ADCY9: variants seen among roughly 807,000 people sequenced by gnomAD.
ADCY9 encodes the protein adenylate cyclase 9, also known as adenylate cyclase type 9.
Under a neutral mutation model 101.5 loss-of-function variants are expected in ADCY9, and 50 were observed. That is an observed-to-expected ratio of 0.49 (90% CI 0.39 to 0.62). ADCY9 has a LOEUF of 0.62. ADCY9 is among the 20% of genes least tolerant of loss of function. ADCY9 has a pLI of 0.00. For missense variants in ADCY9, 1,662 were observed against 1,800.4 expected, an observed-to-expected ratio of 0.92 and a Z score of 1.39; for synonymous variants, 905 against 769.3, an observed-to-expected ratio of 1.18 and a Z score of -2.92.
intron 2 of ADCY9, among the ~76,000 whole-genome samples, chr16:4,101,742 C>G (rs1283993599): frequency 2.0e-5 from 3 of 152,098 alleles, no homozygotes; most frequent in South Asian, 2.1e-4. Flanking sequence ...GGATACAGTA[C>G]AGTTGAAAAA....
chr16:3,956,503 T>TTTTTTTTTTTTTTGGGG (rs55792938), intron 5 of ADCY9, among the ~76,000 whole-genome samples: 2 of 69,576 alleles, frequency 2.9e-5, no homozygotes, highest in African/African-American at 8.1e-5. Context: ...TTTTTTTTTT[T>TTTTTTTTTTTTTTGGGG]GGGGGGGGAT....
chr16:4,065,309 C>T (rs1005222483), intron 2 of ADCY9, among the ~76,000 whole-genome samples: 8 of 152,220 alleles, frequency 5.3e-5, no homozygotes, highest in African/African-American at 1.9e-4. Flanking sequence ...CAATTCCAAA[C>T]TGCACCCTTC....
intron 2 of ADCY9, among the ~76,000 whole-genome samples, chr16:4,059,349 C>A (rs2056759933): frequency 6.9e-6 from 1 of 145,492 alleles, no homozygotes; most frequent in African/African-American, 2.6e-5. Context: ...CCACTGCACT[C>A]CAGCCTGGGC....
chr16:3,999,965 G>C (rs1333578276), intron 3 of ADCY9, among the ~76,000 whole-genome samples: 2 of 152,182 alleles, frequency 1.3e-5, no homozygotes, highest in African/African-American at 4.8e-5. Context: ...AAACTGTCAA[G>C]GGAGGGAGTG....
At chr16:3,974,538 C>T in intron 10 of ADCY9, 131 bp downstream of exon 10, 1 of 675,394 alleles carries the variant, frequency 1.5e-6, no homozygotes, top group East Asian at 2.7e-5. Flanking sequence ...ATATTTTCCA[C>T]TTTCTATTCT....
At chr16:3,969,614 T>TATA (rs1567414929) in intron 10 of ADCY9, among the ~76,000 whole-genome samples, 7 of 50,700 alleles carry the variant, frequency 1.4e-4, no homozygotes, top group East Asian at 8.2e-4. Flanking sequence ...ATATATGTAT[T>TATA]TTTTTTTTTT....
downstream of ADCY9, among the ~76,000 whole-genome samples, chr16:3,959,595 A>T (rs551786768): frequency 5.4e-4 from 83 of 152,346 alleles, no homozygotes; most frequent in South Asian, 1.7e-3. Context: ...CGCTTGACAA[A>T]TACTGGCTGG....
chr16:4,055,002 A>C (rs1353337182), intron 2 of ADCY9, among the ~76,000 whole-genome samples: 1 of 152,170 alleles, frequency 6.6e-6, no homozygotes, highest in East Asian at 1.9e-4. Flanking sequence ...TATTATGTAA[A>C]TGAAATTCAA....
chr16:4,010,234 C>G (rs971472266), intron 2 of ADCY9, among the ~76,000 whole-genome samples: 1 of 152,200 alleles, frequency 6.6e-6, no homozygotes, highest in East Asian at 1.9e-4. Flanking sequence ...CAGGTGACTG[C>G]GCACCTGCTC....
At chr16:4,095,237 G>A (rs923406775) in intron 2 of ADCY9, among the ~76,000 whole-genome samples, 1 of 152,160 alleles carries the variant, frequency 6.6e-6, no homozygotes, top group African/African-American at 2.4e-5. Flanking sequence ...CTGATCTCAG[G>A]TGATCCACAT....
intron 2 of ADCY9, among the ~76,000 whole-genome samples, chr16:4,019,300 C>A (rs1257574466): frequency 6.6e-6 from 1 of 152,104 alleles, no homozygotes; most frequent in Non-Finnish European, 1.5e-5. Flanking sequence ...TTATTAATAA[C>A]CTCAAGGTGT....
intron 5 of ADCY9, among the ~76,000 whole-genome samples, chr16:3,989,661 G>A (rs35025726): frequency 5.5e-4 from 84 of 152,278 alleles, no homozygotes; most frequent in Admixed American, 8.5e-4. Flanking sequence ...ATGACAGCGT[G>A]AGCTGCTGAG....
At chr16:4,099,043 C>T (rs566259600) in intron 2 of ADCY9, among the ~76,000 whole-genome samples, 122 of 152,256 alleles carry the variant, frequency 8.0e-4, no homozygotes, top group African/African-American at 2.8e-3. Flanking sequence ...AACAATTCTC[C>T]TGCCTCAGTT....
rs370932645 is a variant in ADCY9 at position 3,988,400 on chromosome 16, G to A, written c.2310+594C>T. Among the ~76,000 whole-genome samples, 15 of 151,370 alleles carry A rather than the reference G, an allele frequency of 9.9e-5. No homozygotes were observed. The East Asian group carries it at 2.7e-3, about 28-fold the overall frequency. ...CCAAGACTCCAGGACAGGTGGGACG[G>A]GGGCTCTTCCAGGGCAGGTCGGTGG... On this transcript the variant is annotated intron_variant, in intron 6 of 10. Transcript: ENST00000294016.
intron 2 of ADCY9, among the ~76,000 whole-genome samples, chr16:4,032,299 A>AG (rs1390901195): frequency 6.6e-6 from 1 of 151,690 alleles, no homozygotes; most frequent in Non-Finnish European, 1.5e-5. Context: ...AAAAAAAAAA[A>AG]GAAAGAACGA....
chr16:4,107,477 G>A (rs1398296438), intron 2 of ADCY9, among the ~76,000 whole-genome samples: 3 of 149,134 alleles, frequency 2.0e-5, no homozygotes, highest in East Asian at 4.0e-4. Flanking sequence ...CTTGAACCTG[G>A]GAGGCAGAGG....
chr16:3,998,788 G>GAA, intron 3 of ADCY9, among the ~76,000 whole-genome samples: 1 of 44,264 alleles, frequency 2.3e-5, no homozygotes. Flanking sequence ...GAAAAGAAAA[G>GAA]AAAAGAAAAG....
intron 2 of ADCY9, among the ~76,000 whole-genome samples, chr16:4,095,199 GGA>G (rs1567145948): frequency 2.0e-5 from 3 of 151,552 alleles, no homozygotes; most frequent in Non-Finnish European, 4.4e-5. Flanking sequence ...ACAGGGTTTC[GGA>G]CGTTGGCCAG....
At chr16:4,033,855 C>G (rs776848386) in intron 2 of ADCY9, among the ~76,000 whole-genome samples, 1 of 152,194 alleles carries the variant, frequency 6.6e-6, no homozygotes, top group African/African-American at 2.4e-5. Flanking sequence ...ATGGCAACAT[C>G]AGTGACTTTA....
Sources: allele counts gnomAD v4.1 joint callset (sites outside exome capture counted in the v4.1 genomes callset), GRCh38; gene constraint gnomAD v4.1.1; transcripts MANE v1.5; gene names NCBI Gene and HGNC (gene_info 2026-07-23, HGNC 2026-07-21).